Variants in SCEL observed in about 807,000 individuals in gnomAD.
SCEL encodes sciellin.
A neutral mutation model predicts 117.6 loss-of-function variants in SCEL; 113 were observed. The observed-to-expected ratio is 0.96, with a 90% CI of 0.83 to 1.12. The LOEUF is 1.12. Among genes scored for constraint, SCEL ranks in the 50% most tolerant of loss-of-function variants. The pLI, the probability that SCEL is intolerant of heterozygous loss-of-function variation, is 0.00. For synonymous variants in SCEL, 270 were observed against 256.2 expected (o/e 1.05, Z -0.51); for missense variants, 785 against 810.8 (o/e 0.97, Z 0.39).
intron 1 of SCEL, among the ~76,000 whole-genome samples, chr13:77,546,645 C>T (rs2084004082): frequency 6.8e-6 from 1 of 147,784 alleles, no homozygotes; most frequent in African/African-American, 2.5e-5. Context: ...GGCTTAGTGA[C>T]ATGGAGGAAG....
chr13:77,635,690 G>T (rs1594194606), intron 29 of SCEL, among the ~76,000 whole-genome samples: 1 of 152,208 alleles, frequency 6.6e-6, no homozygotes, highest in South Asian at 2.1e-4. Context: ...CTTGATTCAT[G>T]GAAGTACCAA....
intron 27 of SCEL, among the ~76,000 whole-genome samples, chr13:77,621,896 C>A (rs1347781221): frequency 6.6e-6 from 1 of 152,206 alleles, no homozygotes; most frequent in Non-Finnish European, 1.5e-5. Context: ...CACTGAAATT[C>A]TTGGTCGCAT....
chr13:77,539,351 TA>T (rs1046625003), intron 1 of SCEL, among the ~76,000 whole-genome samples: 1 of 151,572 alleles, frequency 6.6e-6, no homozygotes, highest in Non-Finnish European at 1.5e-5. Context: ...CACAAAAATA[TA>T]AAAATCTAGA....
rs796907419 is a variant in SCEL, at chr13:77,593,295, T to TGTGCGCGCGC, written c.693-217_693-216insGCGCGCGCGT. ...GTGTGTGTGTGTGTGTGTGTGTGTGTGTCTGTGTGTGTGTGTGTGTGTGTC... is the reference window on the plus strand; with the variant it reads ...GTGTGTGTGTGTGTGTGTGTGTGTGTGTGCGCGCGCGTCTGTGTGTGTGTGTGTGTGTGTC... On this transcript the variant is annotated intron_variant, in intron 11 of 32. Transcript: ENST00000349847. Among the ~76,000 whole-genome samples, 258 of 136,882 alleles carry TGTGCGCGCGC rather than the reference T, an allele frequency of 1.9e-3. 6 individuals carry two copies. The East Asian group carries it at 0.03, about 16-fold the overall frequency. The allele number at this position is 136,882 out of a possible 152,430, so 89.8% of individuals were successfully genotyped here. A position where few individuals can be genotyped will look rare whatever the true frequency, so the allele number is the denominator to read the frequency against.
At position 77,597,449 on chromosome 13, in the gene SCEL, G is replaced by C. The variant is rs1422095478; in HGVS notation, c.753-96G>C. The C allele has an allele frequency of 8.8e-5, 58 of 661,134 alleles. 1 individual carries two copies. The South Asian group carries it at 1.0e-3, about 12-fold the overall frequency. The allele number at this position is 661,134 out of a possible 1,614,324, so 41.0% of individuals were successfully genotyped here. A position where few individuals can be genotyped will look rare whatever the true frequency, so the allele number is the denominator to read the frequency against. The stretch of plus-strand genomic sequence containing the variant: ...TTCGCAGATGATAAAAGTGGGATGT[G>C]TTGTATTTCAGAGAACTGTCATTTT... On this transcript the variant is annotated intron_variant, in intron 12 of 32. Coordinates refer to ENST00000349847, the MANE Select transcript of SCEL (RefSeq NM_144777.3).
chr13:77,556,990 G>A (rs1352949709), intron 3 of SCEL, among the ~76,000 whole-genome samples: 1 of 152,122 alleles, frequency 6.6e-6, no homozygotes, highest in Non-Finnish European at 1.5e-5. Context: ...TGCTTACTTG[G>A]TAAACTGAAA....
intron 5 of SCEL, among the ~76,000 whole-genome samples, 193 bp downstream of exon 5, chr13:77,564,092 A>G (rs2085144611): frequency 6.6e-6 from 1 of 152,152 alleles, no homozygotes; most frequent in Non-Finnish European, 1.5e-5. Flanking sequence ...TGCATTTCCA[A>G]AATCTTTTTA....
chr13:77,579,255 T>C (rs1006510431), intron 9 of SCEL, among the ~76,000 whole-genome samples: 2 of 152,240 alleles, frequency 1.3e-5, no homozygotes, highest in African/African-American at 4.8e-5. Context: ...TGCATTACTT[T>C]GACACATCAC....
intron 9 of SCEL, among the ~76,000 whole-genome samples, chr13:77,574,877 C>G (rs186046831): frequency 4.6e-4 from 70 of 152,286 alleles, no homozygotes; most frequent in African/African-American, 1.6e-3. Context: ...TCTCTCCTCT[C>G]CTATCTTCTC....
At chr13:77,628,030 C>G in intron 28 of SCEL, 21 bp downstream of exon 28, 1 of 1,307,926 alleles carries the variant, frequency 7.6e-7, no homozygotes, top group South Asian at 1.7e-5. Context: ...TTATAATTCA[C>G]TTTTTTTCTT....
intron 28 of SCEL, among the ~76,000 whole-genome samples, chr13:77,630,901 G>A (rs1477686826): frequency 6.6e-6 from 1 of 152,200 alleles, no homozygotes; most frequent in Non-Finnish European, 1.5e-5. Context: ...TGAGTCATGA[G>A]TTCTCCTTTA....
intron 10 of SCEL, among the ~76,000 whole-genome samples, chr13:77,589,702 A>G (rs1202169925): frequency 6.6e-6 from 1 of 152,178 alleles, no homozygotes; most frequent in East Asian, 1.9e-4. Flanking sequence ...TTATGTTACA[A>G]ATACCTTTGA....
intron 1 of SCEL, among the ~76,000 whole-genome samples, chr13:77,536,652 G>A (rs2083434923): frequency 6.6e-6 from 1 of 152,214 alleles, no homozygotes; most frequent in South Asian, 2.1e-4. Flanking sequence ...TAGCTAAGCT[G>A]ACTTGTGTTT....
chr13:77,623,751 A>T (rs2089555444), intron 27 of SCEL, among the ~76,000 whole-genome samples: 1 of 152,186 alleles, frequency 6.6e-6, no homozygotes, highest in South Asian at 2.1e-4. Context: ...AGGTTGAGCG[A>T]CAGGTGGGCA....
chr13:77,598,993 G>T (rs1446681309), intron 13 of SCEL, among the ~76,000 whole-genome samples: 1 of 152,094 alleles, frequency 6.6e-6, no homozygotes, highest in African/African-American at 2.4e-5. Flanking sequence ...GAAAATTCAG[G>T]TTTCTGTGTG....
intron 18 of SCEL, 79 bp downstream of exon 18, chr13:77,603,214 C>T: frequency 2.4e-6 from 2 of 820,338 alleles, no homozygotes; most frequent in Non-Finnish European, 3.8e-6. Context: ...TTTTTAGCTT[C>T]ATAATCGTGT....
intron 4 of SCEL, 102 bp downstream of exon 4, chr13:77,559,965 C>A (rs1373497230): frequency 1.3e-5 from 13 of 989,364 alleles, no homozygotes; most frequent in Middle Eastern, 2.1e-4. Flanking sequence ...ATGCCTTGGG[C>A]TTTCCCCGAT....
At chr13:77,554,073 G>A (rs1219656139) in intron 1 of SCEL, among the ~76,000 whole-genome samples, 3 of 152,098 alleles carry the variant, frequency 2.0e-5, no homozygotes, top group Non-Finnish European at 2.9e-5. Flanking sequence ...AGGCATTTGG[G>A]TGCTTGTGGC....
intron 1 of SCEL, among the ~76,000 whole-genome samples, chr13:77,543,104 G>A (rs1346056676): frequency 9.1e-6 from 1 of 109,390 alleles, no homozygotes; most frequent in Admixed American, 1.0e-4. Context: ...TTTTTTTTGA[G>A]ACGGAGTCTC....
Sources: allele counts gnomAD v4.1 joint callset (sites outside exome capture counted in the v4.1 genomes callset), GRCh38; gene constraint gnomAD v4.1.1; transcripts MANE v1.5; gene names NCBI Gene and HGNC (gene_info 2026-07-23, HGNC 2026-07-21).